DRC11: variants seen among roughly 807,000 people sequenced by gnomAD.
The protein encoded by DRC11 is IQ and AAA domain-containing protein 1.
chr2:236,417,539 A>G, the DRC11 span, among the ~76,000 whole-genome samples: 1 of 151,176 alleles, frequency 6.6e-6, no homozygotes, highest in Non-Finnish European at 1.5e-5. Context: ...TGCAGACTGG[A>G]GTCACAGCAG....
At chr2:236,427,324 T>G in the DRC11 span, among the ~76,000 whole-genome samples, 1 of 152,186 alleles carries the variant, frequency 6.6e-6, no homozygotes, top group African/African-American at 2.4e-5. This position sits in a 1 kb window ranked among gnomAD's most constrained non-coding sequence, Gnocchi z 5.9. Context: ...TTCTCTTCAA[T>G]TTTTGGGAAG....
chr2:236,495,890 A>C, the DRC11 span, among the ~76,000 whole-genome samples: 1 of 152,288 alleles, frequency 6.6e-6, no homozygotes, highest in South Asian at 2.1e-4. The surrounding 1 kb of genome is among the most constrained non-coding windows in gnomAD (Gnocchi z 5.6). Context: ...CCCCACGGCA[A>C]CAATGGCATG....
At chr2:236,448,843 G>A in the DRC11 span, among the ~76,000 whole-genome samples, 2 of 151,954 alleles carry the variant, frequency 1.3e-5, no homozygotes, top group South Asian at 2.1e-4. The surrounding 1 kb of genome is among the most constrained non-coding windows in gnomAD (Gnocchi z 5.3). Context: ...GAATGACAGA[G>A]GGCGCTGTTA....
the DRC11 span, among the ~76,000 whole-genome samples, chr2:236,441,579 T>C: frequency 6.6e-6 from 1 of 152,214 alleles, no homozygotes; most frequent in African/African-American, 2.4e-5. Context: ...GGCCCTATGT[T>C]TTATGGGTTG....
the DRC11 span, chr2:236,440,902 G>T: frequency 1.6e-6 from 1 of 607,732 alleles, no homozygotes; most frequent in Non-Finnish European, 2.9e-6. Context: ...GTACAATGAT[G>T]AACACCCAAA....
chr2:236,405,946 C>T, the DRC11 span, among the ~76,000 whole-genome samples: 1 of 152,158 alleles, frequency 6.6e-6, no homozygotes, highest in Non-Finnish European at 1.5e-5. The surrounding 1 kb of genome is among the most constrained non-coding windows in gnomAD (Gnocchi z 4.6). Context: ...ACTTATGGGT[C>T]ACACTTGACC....
At chr2:236,311,264 C>T in the DRC11 span, among the ~76,000 whole-genome samples, 1 of 152,216 alleles carries the variant, frequency 6.6e-6, no homozygotes, top group Admixed American at 6.5e-5. The surrounding 1 kb of genome is among the most constrained non-coding windows in gnomAD (Gnocchi z 6.9). Context: ...AGCGCCACAC[C>T]TGGGTGGGTT....
the DRC11 span, among the ~76,000 whole-genome samples, chr2:236,428,286 T>C: frequency 6.6e-6 from 1 of 152,188 alleles, no homozygotes; most frequent in Admixed American, 6.5e-5. Context: ...ATTGTTTCCT[T>C]ATTGATTTTA....
the DRC11 span, among the ~76,000 whole-genome samples, chr2:236,416,727 A>ATATATATATATATATATATTTT: frequency 3.5e-3 from 91 of 25,848 alleles, 2 homozygotes; most frequent in Non-Finnish European, 5.8e-3. Flanking sequence ...ATATTTATAT[A>ATATATATATATATATATATTTT]TATATATATA....
At chr2:236,466,803 A>G in the DRC11 span, among the ~76,000 whole-genome samples, 1 of 152,182 alleles carries the variant, frequency 6.6e-6, no homozygotes, top group Admixed American at 6.5e-5. Flanking sequence ...TTTCAGCATG[A>G]GATTTGGAGG....
chr2:236,404,043 A>G, the DRC11 span, among the ~76,000 whole-genome samples: 8 of 151,740 alleles, frequency 5.3e-5, no homozygotes, highest in African/African-American at 7.3e-5. Flanking sequence ...ACTCTGGCCC[A>G]CTTCCTGAGG....
At chr2:236,445,284 T>C in the DRC11 span, among the ~76,000 whole-genome samples, 1 of 152,282 alleles carries the variant, frequency 6.6e-6, no homozygotes, top group Middle Eastern at 3.4e-3. The surrounding 1 kb of genome is among the most constrained non-coding windows in gnomAD (Gnocchi z 4.8). Flanking sequence ...TAAGATTTAA[T>C]AATATTACAT....
the DRC11 span, among the ~76,000 whole-genome samples, chr2:236,374,383 T>C: frequency 6.6e-6 from 1 of 152,198 alleles, no homozygotes; most frequent in Non-Finnish European, 1.5e-5. Context: ...TTTTGGTGGA[T>C]ATTTGACTAC....
At chr2:236,478,031 G>GTT in the DRC11 span, among the ~76,000 whole-genome samples, 3 of 148,112 alleles carry the variant, frequency 2.0e-5, no homozygotes, top group East Asian at 5.8e-4. The surrounding 1 kb of genome is among the most constrained non-coding windows in gnomAD (Gnocchi z 5.9). Flanking sequence ...GTGTGTGTGT[G>GTT]TTTTAGTCTC....
At chr2:236,489,085 T>C in the DRC11 span, among the ~76,000 whole-genome samples, 3 of 143,334 alleles carry the variant, frequency 2.1e-5, no homozygotes, top group African/African-American at 7.9e-5. Flanking sequence ...CTGGGGCCTG[T>C]GTGGGCTCTG....
the DRC11 span, among the ~76,000 whole-genome samples, chr2:236,387,485 C>T: frequency 2.5e-3 from 375 of 151,210 alleles, 3 homozygotes; most frequent in African/African-American, 8.7e-3. Flanking sequence ...GGATTGCAAC[C>T]CCTGCCTTTT....
chr2:236,356,526 C>T, the DRC11 span, among the ~76,000 whole-genome samples: 10 of 152,300 alleles, frequency 6.6e-5, no homozygotes, highest in South Asian at 1.5e-3. Context: ...CCTGACCTAG[C>T]GTGAAATCCA....
At chr2:236,428,600 C>T in the DRC11 span, among the ~76,000 whole-genome samples, 1 of 152,002 alleles carries the variant, frequency 6.6e-6, no homozygotes, top group Non-Finnish European at 1.5e-5. Context: ...TTTTTCTATC[C>T]CTTCACCTTC....
At chr2:236,373,258 CTT>C in the DRC11 span, among the ~76,000 whole-genome samples, 14 of 138,964 alleles carry the variant, frequency 1.0e-4, no homozygotes, top group Admixed American at 2.2e-4. Flanking sequence ...TGTATATTAA[CTT>C]TTTTTTTTTT....
Sources: gnomAD v4.1 joint callset for allele counts (sites outside exome capture counted in the v4.1 genomes callset) on GRCh38, gnomAD v4.1.1 for gene constraint, Gnocchi (gnomAD v3.1) non-coding constraint, MANE v1.5 for transcripts, NCBI Gene and HGNC (gene_info 2026-07-23, HGNC 2026-07-21) for gene names.